Variants in RNF213 observed in about 807,000 individuals in gnomAD.
RNF213 encodes E3 ubiquitin-protein ligase RNF213.
RNF213 carries 341 observed loss-of-function variants against 514.4 expected under a neutral mutation model. The observed-to-expected ratio is 0.66, with a 90% CI of 0.61 to 0.73. RNF213 has a LOEUF of 0.73. Among genes scored for constraint, RNF213 ranks in the 30% least tolerant of loss-of-function variants. The pLI, the probability that RNF213 is intolerant of heterozygous loss-of-function variation, is 0.00. For missense variants in RNF213, 5,767 were observed against 6,615.6 expected (o/e 0.87, Z 4.45); for synonymous variants, 2,655 against 2,658.2 (o/e 1.00, Z 0.04).
At chr17:80,300,818 CTGGGATTGCA>C (rs1158577524) in intron 11 of RNF213, among the ~76,000 whole-genome samples, 3 of 152,140 alleles carry the variant, frequency 2.0e-5, no homozygotes, top group African/African-American at 7.2e-5. Context: ...TCCCAAAGTG[CTGGGATTGCA>C]TGTGTGAGCC....
intron 20 of RNF213, among the ~76,000 whole-genome samples, chr17:80,331,375 C>G (rs2143965065): frequency 1.4e-5 from 2 of 148,000 alleles, no homozygotes; most frequent in East Asian, 3.9e-4. Flanking sequence ...TCCTCCTGTC[C>G]TTGTCAGTTT....
Position 80,381,650 on chromosome 17 carries a change from G to C in RNF213, c.13901G>C (p.Ser4634Thr). ...CAGTTGGCCAAGATGCTGGGACACAGTGCCGACGAGACCATCGGCGTGGTC... is the reference window on the plus strand; with the variant it reads ...CAGTTGGCCAAGATGCTGGGACACACTGCCGACGAGACCATCGGCGTGGTC... ...LEQLAKMLGH[S>T]ADETIGVVHL... The change falls in exon 57 of 68, where the codon AGT (serine) becomes ACT (threonine). Residue 4634 changes from serine (S) to threonine (T), a missense_variant. Transcript: ENST00000582970. 2 of 1,614,254 alleles carry C rather than the reference G, an allele frequency of 1.2e-6. No homozygotes were observed. The highest frequency in any genetic ancestry group is 8.5e-7 in the Non-Finnish European group (1 of 1,180,048).
At chr17:80,328,719 G>A (rs1295717105) in intron 20 of RNF213, among the ~76,000 whole-genome samples, 3 of 152,138 alleles carry the variant, frequency 2.0e-5, no homozygotes, top group Non-Finnish European at 4.4e-5. Flanking sequence ...GTCAGCATGA[G>A]CTGCTGACGC....
rs564696129 is a variant in RNF213, at chr17:80,376,852, T to G, written c.13429-30T>G. On this transcript the variant is annotated intron_variant, in intron 52 of 67. Transcript: ENST00000582970. ...CACCCAGGTGACAAGCTCACTTATC[T>G]AGAGCTGTCTCTGTCTTCTTGTTTT... The G allele has an allele frequency of 3.1e-6, 5 of 1,591,508 alleles. No individual in the cohort carries two copies. In the South Asian group the frequency reaches 5.6e-5, roughly 18 times the overall value.
chr17:80,321,698 G>A (rs1302175378), intron 17 of RNF213, among the ~76,000 whole-genome samples: 3 of 152,072 alleles, frequency 2.0e-5, no homozygotes, highest in African/African-American at 7.2e-5. Context: ...AGCCATCCTG[G>A]TGGGTATGAA....
intron 54 of RNF213, among the ~76,000 whole-genome samples, chr17:80,379,032 A>T (rs1445725239): frequency 6.6e-6 from 1 of 150,456 alleles, no homozygotes; most frequent in Non-Finnish European, 1.5e-5. Flanking sequence ...AAGCATCAGC[A>T]GGGCATGGTG....
At chr17:80,272,193 A>G (rs1255769290) in intron 2 of RNF213, among the ~76,000 whole-genome samples, 1 of 152,034 alleles carries the variant, frequency 6.6e-6, no homozygotes, top group Admixed American at 6.6e-5. Context: ...CCGAGGCAGG[A>G]GAATTGCTTG....
chr17:80,368,763 T>A (rs2079386363), intron 44 of RNF213, among the ~76,000 whole-genome samples: 1 of 152,164 alleles, frequency 6.6e-6, no homozygotes, highest in South Asian at 2.1e-4. Flanking sequence ...ATCAGTATCA[T>A]TCACAGTCAC....
Position 80,345,732 on chromosome 17 carries a change from A to G in RNF213, c.7397A>G (p.Glu2466Gly). 1 of 1,614,230 alleles carries G rather than the reference A, an allele frequency of 6.2e-7. No homozygotes were observed. The highest frequency in any genetic ancestry group is 8.5e-7 in the Non-Finnish European group (1 of 1,180,046). Residue 2466 changes from glutamate (E) to glycine (G), a missense_variant, in exon 29 of 68, where the codon GAG (glutamate) becomes GGG (glycine). This residue lies in a region of RNF213 where 1,377 missense variants were observed against 1,635.2 expected (regional missense o/e 0.84). Transcript: ENST00000582970. This position sits in a 1 kb window ranked among gnomAD's most constrained non-coding sequence, Gnocchi z 6.0. ...GACATGATCTACTCCAGAGTCAGGG[A>G]GGCTGAAAATGTGGCCTTCGCCAAT... ...TADMIYSRVREAENVAFANKD... is the reference protein window; with the variant it reads ...TADMIYSRVRGAENVAFANKD...
intron 6 of RNF213, among the ~76,000 whole-genome samples, chr17:80,290,202 A>G (rs1030163152): frequency 2.0e-5 from 3 of 152,202 alleles, no homozygotes; most frequent in Non-Finnish European, 4.4e-5. Context: ...AGAGACCTCC[A>G]TGGGGGGTGG....
Position 80,306,388 on chromosome 17 carries a change from C to T in RNF213, c.2347C>T (p.Arg783Cys), listed in dbSNP as rs1012522997. The change falls in exon 12 of 68, where the codon CGT (arginine) becomes TGT (cysteine). Residue 783 changes from arginine (R) to cysteine (C), a missense_variant. Arg to Cys is a radical substitution (Grantham distance 180). Around this residue, in one of 13 missense-constraint regions of RNF213, gnomAD observed 592 missense variants for 673.9 expected, o/e 0.88. Coordinates refer to ENST00000582970, the MANE Select transcript of RNF213 (RefSeq NM_001256071.3). ...GGAAAACTTCATTGAGCACCTGGGT[C>T]GTTTTCCTGCTCATATCCTGGACTG... The part of the protein sequence containing the change: ...YMENFIEHLG[R>C]FPAHILDCLS... The T allele has an allele frequency of 5.0e-6, 8 of 1,613,998 alleles. No individual in the cohort carries two copies. The highest frequency in any genetic ancestry group is 1.7e-5 in the Admixed American group (1 of 59,992).
At chr17:80,381,756 G>GA in intron 57 of RNF213, 29 bp downstream of exon 57, 1 of 1,600,218 alleles carries the variant, frequency 6.2e-7, no homozygotes, top group South Asian at 1.1e-5. Context: ...GCTGGGCGGG[G>GA]ATCACACAGC....
Position 80,263,269 on chromosome 17 carries a change from A to G in RNF213, c.-108-305A>G, listed in dbSNP as rs1318390569. 6.6e-6 allele frequency among the ~76,000 whole-genome samples: 1 copy of G among 152,098 alleles called. No individual in the cohort carries two copies. The highest frequency in any genetic ancestry group is 1.5e-5 in the Non-Finnish European group (1 of 67,998). On this transcript the variant is annotated intron_variant, in intron 1 of 67. Transcript: ENST00000582970. The surrounding 1 kb of genome is among the most constrained non-coding windows in gnomAD (Gnocchi z 4.9). ...CAGGTGCTTTAGTCCCCTTAAGAGGATGAGGAGGGTGAGGCATCAGCAGGC... is the reference window on the plus strand; with the variant it reads ...CAGGTGCTTTAGTCCCCTTAAGAGGGTGAGGAGGGTGAGGCATCAGCAGGC...
chr17:80,274,917 G>A (rs1013974902), intron 3 of RNF213, among the ~76,000 whole-genome samples: 1 of 70,664 alleles, frequency 1.4e-5, no homozygotes, highest in South Asian at 5.2e-4. Context: ...TGTGAGTGGG[G>A]TGTGAGTGGG....
chr17:80,389,777 G>A, intron 65 of RNF213, 51 bp from the exon 66 acceptor site: 3 of 1,482,688 alleles, frequency 2.0e-6, no homozygotes, highest in Non-Finnish European at 9.4e-7. Context: ...CACGACATGA[G>A]TGGGGGTGTG....
Position 80,363,144 on chromosome 17 carries a change from G to A in RNF213, c.11398G>A (p.Ala3800Thr), listed in dbSNP as rs376767896. Residue 3800 changes from alanine (A) to threonine (T), a missense_variant, in exon 40 of 68, where the codon GCG becomes ACG. Physicochemically the swap from Ala to Thr is moderately conservative, Grantham distance 58 (BLOSUM62 0). Transcript: ENST00000582970. Reference protein sequence around the residue: ...ALWSCTRKLKAASEAPEEEVS... With the variant: ...ALWSCTRKLKTASEAPEEEVS... ...GTGGTCCTGCACTAGGAAACTGAAA[G>A]CGGCGTCAGAAGCGCCCGAGGAAGA... 1.9e-6 allele frequency: 3 copies of A among 1,614,240 alleles called. No individual in the cohort carries two copies. The highest frequency in any genetic ancestry group is 1.7e-6 in the Non-Finnish European group (2 of 1,180,040).
chr17:80,337,729 G>T lies in RNF213; in HGVS notation c.4668+3G>T. On this transcript the variant is annotated splice_donor_region_variant and intron_variant, in intron 24 of 67. Transcript: ENST00000582970. The stretch of plus-strand genomic sequence containing the variant: ...AGGCGCCCAAAGGTGGCCAAAAGGT[G>T]AGCGGTCCCCAGCCCTCGGCGCAGC... 1 of 1,537,300 alleles carries T rather than the reference G, an allele frequency of 6.5e-7. No homozygotes were observed. The highest frequency in any genetic ancestry group is 8.7e-7 in the Non-Finnish European group (1 of 1,146,930).
Position 80,263,913 on chromosome 17 carries a change from T to C in RNF213, c.97+135T>C. On this transcript the variant is annotated intron_variant, in intron 2 of 67. Coordinates refer to ENST00000582970, the MANE Select transcript of RNF213 (RefSeq NM_001256071.3). This position sits in a 1 kb window ranked among gnomAD's most constrained non-coding sequence, Gnocchi z 4.9. Reference sequence around the variant, plus strand: ...CGAGGTCCTCTGTGGCTACTGAGGCTCTGTGGCTCTGAATAGCCATCTCAA... The same window carrying C: ...CGAGGTCCTCTGTGGCTACTGAGGCCCTGTGGCTCTGAATAGCCATCTCAA... The C allele has an allele frequency of 1.4e-6, 1 of 692,468 alleles. No homozygotes were observed. Among genetic ancestry groups the C allele is most frequent in the Non-Finnish European group, 2.6e-6 (1 of 391,196 alleles). The allele number at this position is 692,468 out of a possible 1,614,324, so 42.9% of individuals were successfully genotyped here.
intron 37 of RNF213, 116 bp downstream of exon 37, chr17:80,358,595 C>T (rs2078922108): frequency 9.4e-6 from 9 of 960,082 alleles, no homozygotes; most frequent in East Asian, 5.1e-5. Context: ...GCAACGTTGA[C>T]ATGGGTGCTT....
Sources: gnomAD v4.1 joint callset for allele counts (sites outside exome capture counted in the v4.1 genomes callset) on GRCh38, gnomAD v4.1.1 for gene constraint, gnomAD v4.1.1 regional missense constraint, Gnocchi (gnomAD v3.1) non-coding constraint, MANE v1.5 for transcripts, NCBI Gene and HGNC (gene_info 2026-07-23, HGNC 2026-07-21) for gene names.